The following NRP2 variants were observed in gnomAD, a reference collection of about 807,000 sequenced individuals.
The protein encoded by NRP2 is neuropilin-2.
In NRP2, 52 loss-of-function variants were observed where a neutral mutation model predicts 110.4. The observed-to-expected ratio is 0.47, with a 90% CI of 0.38 to 0.59. The LOEUF (loss-of-function observed/expected upper bound fraction) is 0.59. Ranked by LOEUF, NRP2 falls within the 20% of genes least tolerant of loss-of-function variation. The probability of loss-of-function intolerance (pLI) is 0.00; values close to 1 mark genes in which losing one functional copy is unlikely to be tolerated. For synonymous variants in NRP2, 508 were observed against 468.9 expected (o/e 1.08, Z -1.08); for missense variants, 1,049 against 1,203.0 (o/e 0.87, Z 1.89).
Position 205,723,998 on chromosome 2 carries a change from A to G in NRP2, c.820+58A>G. ...CCTTCCGTCAGGGCTGTGAGGGTGT[A>G]CAGGTGAAGGGGGGCTGAGCTCTTA... On this transcript the variant is annotated intron_variant, in intron 5 of 16. Transcript: ENST00000357785. 1.3e-6 allele frequency: 2 copies of G among 1,593,540 alleles called. 1 individual carries two copies. The highest frequency in any genetic ancestry group is 4.5e-5 in the East Asian group (2 of 44,674).
At chr2:205,786,242 T>C (rs1027113917) in intron 15 of NRP2, among the ~76,000 whole-genome samples, 11 of 152,228 alleles carry the variant, frequency 7.2e-5, no homozygotes, top group African/African-American at 2.4e-4. Flanking sequence ...AATTTTGAAG[T>C]GCCAAGAAGA....
chr2:205,717,371 C>T (rs923143047), intron 3 of NRP2, among the ~76,000 whole-genome samples: 1 of 152,144 alleles, frequency 6.6e-6, no homozygotes, highest in African/African-American at 2.4e-5. Context: ...GGCCCAAGAC[C>T]GGCGCCTGTT....
At chr2:205,754,338 C>T (rs1238341234) in intron 12 of NRP2, among the ~76,000 whole-genome samples, 1 of 152,164 alleles carries the variant, frequency 6.6e-6, no homozygotes, top group East Asian at 1.9e-4. Flanking sequence ...GGGACAGATG[C>T]TAGGAGAACA....
Position 205,725,269 on chromosome 2 carries a change from C to T in NRP2, c.821-644C>T, listed in dbSNP as rs1195213248. On this transcript the variant is annotated intron_variant, in intron 5 of 16. Transcript: ENST00000357785. This position sits in a 1 kb window ranked among gnomAD's most constrained non-coding sequence, Gnocchi z 4.1. ...CTTAGACACATGCACACACACATAT[C>T]GATCAGTGTTGATGGCATTCATAGA... 2.0e-5 allele frequency among the ~76,000 whole-genome samples: 3 copies of T among 152,162 alleles called. No homozygotes were observed. The highest frequency in any genetic ancestry group is 4.4e-5 in the Non-Finnish European group (3 of 68,034).
chr2:205,749,672 G>A (rs2057605792), intron 10 of NRP2, 53 bp from the exon 11 acceptor site: 1 of 1,415,628 alleles, frequency 7.1e-7, no homozygotes, highest in Middle Eastern at 1.8e-4. Context: ...CTCCTGCTGG[G>A]TTGCAACACA....
At chr2:205,774,291 G>A (rs1254880764) in intron 15 of NRP2, among the ~76,000 whole-genome samples, 2 of 152,110 alleles carry the variant, frequency 1.3e-5, no homozygotes, top group African/African-American at 4.8e-5. Context: ...TTCCACCATG[G>A]CCACAAATAT....
At chr2:205,755,187 T>G (rs1199056842) in intron 12 of NRP2, among the ~76,000 whole-genome samples, 1 of 152,194 alleles carries the variant, frequency 6.6e-6, no homozygotes, top group East Asian at 1.9e-4. Context: ...AATTCTAGTC[T>G]TTGTCCTCCT....
intron 15 of NRP2, chr2:205,778,306 A>G (rs1049784485): frequency 1.3e-5 from 2 of 151,590 alleles, no homozygotes; most frequent in African/African-American, 4.9e-5. Flanking sequence ...CACACACTCA[A>G]CTTTCTCATC....
intron 2 of NRP2, chr2:205,697,958 C>A (rs76578093): frequency 0.011 from 5,999 of 569,502 alleles, 170 homozygotes; most frequent in East Asian, 0.083. Flanking sequence ...AGAATATTAA[C>A]CTACCTCCAA....
intron 5 of NRP2, 92 bp downstream of exon 5, chr2:205,724,032 G>A (rs1175640259): frequency 2.8e-5 from 40 of 1,424,970 alleles, no homozygotes; most frequent in Non-Finnish European, 3.6e-5. Flanking sequence ...TATGAGGGAG[G>A]AGATGGGAAC....
chr2:205,712,250 T>G lies in NRP2; in HGVS notation c.252-3943T>G, dbSNP rs73983237. Among the ~76,000 whole-genome samples the G allele has an allele frequency of 2.4e-3, 370 of 152,064 alleles. 3 individuals are homozygous for G. Among genetic ancestry groups the G allele is most frequent in the African/African-American group, 8.4e-3 (348 of 41,482 alleles). ...TGGCTACTTCAGCTCAGGAAAAAAA[T>G]AAATAAAACAATACAAGGTAGTGTT... On this transcript the variant is annotated intron_variant, in intron 2 of 16. Coordinates refer to ENST00000357785, the MANE Select transcript of NRP2 (RefSeq NM_003872.3).
chr2:205,790,959 C>T (rs2058294538), intron 15 of NRP2, among the ~76,000 whole-genome samples: 1 of 152,198 alleles, frequency 6.6e-6, no homozygotes, highest in African/African-American at 2.4e-5. Flanking sequence ...TTGTGCATCC[C>T]TTACTAGGGA....
Position 205,728,004 on chromosome 2 carries a change from T to G in NRP2, c.1104T>G (p.Asn368Lys), listed in dbSNP as rs1168220292. Residue 368 changes from asparagine to lysine, a missense_variant, in exon 7 of 17, where the codon AAT becomes AAG. Asn to Lys is a moderately conservative substitution (Grantham distance 94). Coordinates refer to ENST00000357785, the MANE Select transcript of NRP2 (RefSeq NM_003872.3). ...VKSYKLEVSTNGEDWMVYRHG... is the reference protein window; with the variant it reads ...VKSYKLEVSTKGEDWMVYRHG... ...CCTACAAGCTGGAAGTCAGCACTAA[T>G]GGAGAGGACTGGATGGTGTACCGGC... 4 of 1,614,146 alleles carry G rather than the reference T, an allele frequency of 2.5e-6. No individual in the cohort carries two copies. The highest frequency in any genetic ancestry group is 2.5e-6 in the Non-Finnish European group (3 of 1,180,030).
In NRP2 at chr2:205,765,515, G is replaced by C. The variant is rs1227518899; in HGVS notation, c.2349G>C (p.Glu783Asp). ...TGATAGGGAAAGGACGTTCCGGAGAGATTGCCATTGATGACATTCGGATAA... is the reference window on the plus strand; with the variant it reads ...TGATAGGGAAAGGACGTTCCGGAGACATTGCCATTGATGACATTCGGATAA... ...EGVIGKGRSG[E>D]IAIDDIRIST... The change falls in exon 14 of 17, where the codon GAG (glutamate) becomes GAC (aspartate). Residue 783 changes from glutamate (E) to aspartate (D), a missense_variant. Transcript: ENST00000357785. 8 of 1,614,100 alleles carry C rather than the reference G, an allele frequency of 5.0e-6. No individual in the cohort carries two copies. In the Admixed American group the frequency reaches 1.3e-4, roughly 27 times the overall value.
At chr2:205,745,957 G>A (rs2057531329) in intron 10 of NRP2, 67 bp downstream of exon 10, 1 of 1,584,164 alleles carries the variant, frequency 6.3e-7, no homozygotes, top group South Asian at 1.1e-5. Flanking sequence ...ATCCCACGAG[G>A]CCCTGGGAGG....
intron 14 of NRP2, chr2:205,765,816 A>C: frequency 1.6e-6 from 1 of 615,390 alleles, no homozygotes; most frequent in South Asian, 1.4e-5. Context: ...CACTAAGTAC[A>C]TAGAGGTTCA....
intron 7 of NRP2, among the ~76,000 whole-genome samples, 155 bp from the exon 8 acceptor site, chr2:205,740,364 T>G (rs2057418272): frequency 1.3e-5 from 2 of 152,190 alleles, no homozygotes; most frequent in Admixed American, 1.3e-4. Context: ...TTACAGTGTT[T>G]CTTTAAAAAG....
At chr2:205,710,236 G>A (rs1484427559) in intron 2 of NRP2, among the ~76,000 whole-genome samples, 1 of 152,172 alleles carries the variant, frequency 6.6e-6, no homozygotes, top group Non-Finnish European at 1.5e-5. Flanking sequence ...GACAAAGGGA[G>A]GAAGGGAAGG....
chr2:205,685,862 G>A (rs2056144728), intron 1 of NRP2: 1 of 152,430 alleles, frequency 6.6e-6, no homozygotes, highest in Non-Finnish European at 1.5e-5. Context: ...GAGGAGGGCG[G>A]AGAGAGGCGG....
Sources: gnomAD v4.1 joint callset for allele counts (sites outside exome capture counted in the v4.1 genomes callset) on GRCh38, gnomAD v4.1.1 for gene constraint, Gnocchi (gnomAD v3.1) non-coding constraint, MANE v1.5 for transcripts, NCBI Gene and HGNC (gene_info 2026-07-23, HGNC 2026-07-21) for gene names.